Variants in PSTPIP2 observed in about 807,000 individuals in gnomAD.
PSTPIP2 encodes proline-serine-threonine phosphatase-interacting protein 2.
Under a neutral mutation model 63.3 loss-of-function variants are expected in PSTPIP2, and 33 were observed. That is an observed-to-expected ratio of 0.52 (90% CI 0.40 to 0.70). The LOEUF (loss-of-function observed/expected upper bound fraction) is 0.70, where lower values mean the gene tolerates loss of function less well. Ranked by LOEUF, PSTPIP2 falls within the 30% of genes least tolerant of loss-of-function variation. The pLI, the probability that PSTPIP2 is intolerant of heterozygous loss-of-function variation, is 0.00. For synonymous variants in PSTPIP2, 125 were observed against 132.7 expected, an observed-to-expected ratio of 0.94 and a Z score of 0.40; for missense variants, 312 against 400.7, an observed-to-expected ratio of 0.78 and a Z score of 1.89.
In PSTPIP2 at chr18:46,029,371, C is replaced by T. The variant is rs546647344; in HGVS notation, c.135-4685G>A. ...ATTAATGGAAGGGTTGCAGCATCCA[C>T]GTTCTCTTCAGATAGTAAGAAAGTA... On this transcript the variant is annotated intron_variant, in intron 2 of 14. Transcript: ENST00000409746. 3.9e-5 allele frequency: 60 copies of T among 1,558,310 alleles called. No individual in the cohort carries two copies. The African/African-American group carries it at 5.1e-4, about 13-fold the overall frequency.
At chr18:45,990,621 G>A in intron 13 of PSTPIP2, 101 bp downstream of exon 13, 1 of 1,005,928 alleles carries the variant, frequency 9.9e-7, no homozygotes, top group South Asian at 1.4e-5. Flanking sequence ...GTGGAGACAG[G>A]GTTTCACCAT....
intron 2 of PSTPIP2, among the ~76,000 whole-genome samples, chr18:46,032,362 G>A (rs1018717401): frequency 2.2e-4 from 34 of 152,092 alleles, no homozygotes; most frequent in African/African-American, 7.5e-4. Flanking sequence ...AGCTGGCTAC[G>A]CTTCACAAAG....
chr18:45,991,543 A>T (rs2051532960), intron 12 of PSTPIP2, among the ~76,000 whole-genome samples: 1 of 152,190 alleles, frequency 6.6e-6, no homozygotes, highest in African/African-American at 2.4e-5. Context: ...CCAGCCATTT[A>T]AAAATGTAAA....
chr18:46,000,529 C>T lies in PSTPIP2; in HGVS notation c.418-995G>A, dbSNP rs565183482. 9.2e-5 allele frequency among the ~76,000 whole-genome samples: 14 copies of T among 152,172 alleles called. No homozygotes were observed. The South Asian group carries it at 1.4e-3, about 16-fold the overall frequency. On this transcript the variant is annotated intron_variant, in intron 6 of 14. Coordinates refer to ENST00000409746, the MANE Select transcript of PSTPIP2 (RefSeq NM_024430.4). ...CTACAGGCAAGCAAACATCATGCCCCGCTGATTTTTGTGTTTTCAGTAGAG... is the reference window on the plus strand; with the variant it reads ...CTACAGGCAAGCAAACATCATGCCCTGCTGATTTTTGTGTTTTCAGTAGAG...
intron 2 of PSTPIP2, among the ~76,000 whole-genome samples, chr18:46,030,552 C>T (rs1488431764): frequency 6.6e-6 from 1 of 152,104 alleles, no homozygotes; most frequent in Non-Finnish European, 1.5e-5. Context: ...ATCATATTTC[C>T]CCCAGTTATT....
intron 1 of PSTPIP2, among the ~76,000 whole-genome samples, chr18:46,059,111 G>A (rs367578468): frequency 1.2e-4 from 18 of 150,192 alleles, no homozygotes; most frequent in Admixed American, 6.7e-4. Context: ...ATCTTGGCTC[G>A]CTGCAACCTC....
At chr18:45,986,583 C>T (rs1167828101) in intron 14 of PSTPIP2, among the ~76,000 whole-genome samples, 1 of 152,184 alleles carries the variant, frequency 6.6e-6, no homozygotes, top group East Asian at 1.9e-4. Context: ...ACCAGGTTTC[C>T]ACTCTGCCTC....
chr18:45,995,100 T>C (rs957891557), intron 9 of PSTPIP2, among the ~76,000 whole-genome samples: 1 of 152,032 alleles, frequency 6.6e-6, no homozygotes, highest in African/African-American at 2.4e-5. Context: ...GTTTCGTTGT[T>C]TGGTTTTGGG....
intron 13 of PSTPIP2, among the ~76,000 whole-genome samples, chr18:45,990,255 T>G (rs1353651156): frequency 6.6e-6 from 1 of 152,232 alleles, no homozygotes; most frequent in Non-Finnish European, 1.5e-5. Context: ...GACCACCAAT[T>G]ATCATATTCC....
At chr18:46,054,924 T>C (rs750228222) in intron 1 of PSTPIP2, among the ~76,000 whole-genome samples, 21 of 152,146 alleles carry the variant, frequency 1.4e-4, no homozygotes, top group Non-Finnish European at 2.8e-4. Flanking sequence ...CCCAAAAACC[T>C]ACTAATTTTT....
Position 46,056,387 on chromosome 18 carries a change from G to A in PSTPIP2, c.33+15769C>T, listed in dbSNP as rs556764684. Among the ~76,000 whole-genome samples the A allele has an allele frequency of 7.2e-5, 11 of 152,304 alleles. No homozygotes were observed. The East Asian group carries it at 7.7e-4, about 11-fold the overall frequency. ...GCCCCTACTAGGATGAGGCATGGTC[G>A]TGCATGTGCAGGGTTCAATTCTGTC... On this transcript the variant is annotated intron_variant, in intron 1 of 14. Coordinates refer to ENST00000409746, the MANE Select transcript of PSTPIP2 (RefSeq NM_024430.4).
At chr18:46,061,501 C>G (rs1908991989) in intron 1 of PSTPIP2, among the ~76,000 whole-genome samples, 1 of 152,106 alleles carries the variant, frequency 6.6e-6, no homozygotes, top group Non-Finnish European at 1.5e-5. Context: ...CTGTATCAGC[C>G]AGGGAGAGGC....
rs572546494 is a variant in PSTPIP2, at chr18:46,036,099, TATTA to T, written c.134+3844_134+3847del. Among the ~76,000 whole-genome samples, 579 of 148,956 alleles carry T rather than the reference TATTA, an allele frequency of 3.9e-3. 3 individuals carry two copies. The highest frequency in any genetic ancestry group is 0.013 in the African/African-American group (539 of 41,016). On this transcript the variant is annotated intron_variant, in intron 2 of 14. Transcript: ENST00000409746. ...TTATTTAATTATTATATATTATCTG[TATTA>T]ATTAATTTAATTAATATCATTTTAT...
chr18:45,992,842 C>A (rs1469330509), intron 10 of PSTPIP2, among the ~76,000 whole-genome samples: 4 of 152,104 alleles, frequency 2.6e-5, no homozygotes, highest in Non-Finnish European at 5.9e-5. Context: ...CCTGCCTCAG[C>A]CTCCCAAGTA....
At chr18:46,024,824 G>A in intron 2 of PSTPIP2, 138 bp from the exon 3 acceptor site, 1 of 667,190 alleles carries the variant, frequency 1.5e-6, no homozygotes, top group African/African-American at 1.8e-5. Flanking sequence ...TAAAATGCAA[G>A]ACTCCCTCTG....
At chr18:46,043,319 A>AT (rs1228475673) in intron 1 of PSTPIP2, among the ~76,000 whole-genome samples, 2 of 150,446 alleles carry the variant, frequency 1.3e-5, no homozygotes. Context: ...TGAGCCTGGG[A>AT]GATCGAGGCT....
intron 1 of PSTPIP2, among the ~76,000 whole-genome samples, chr18:46,044,302 C>G (rs1426489614): frequency 6.6e-6 from 1 of 152,114 alleles, no homozygotes; most frequent in Non-Finnish European, 1.5e-5. Context: ...GTACTGGTAC[C>G]AAAACAGTTA....
At chr18:46,023,127 G>A (rs1907434782) in intron 3 of PSTPIP2, among the ~76,000 whole-genome samples, 1 of 152,158 alleles carries the variant, frequency 6.6e-6, no homozygotes, top group Non-Finnish European at 1.5e-5. Flanking sequence ...GGTGGAGGAT[G>A]GGAAGAGGAA....
At chr18:46,040,140 A>G (rs1908138721) in intron 1 of PSTPIP2, 93 bp from the exon 2 acceptor site, 1 of 1,061,500 alleles carries the variant, frequency 9.4e-7, no homozygotes, top group South Asian at 1.5e-5. Flanking sequence ...GAAGCTGGCC[A>G]CGGAACGTTG....
Sources: gnomAD v4.1 joint callset for allele counts (sites outside exome capture counted in the v4.1 genomes callset) on GRCh38, gnomAD v4.1.1 for gene constraint, MANE v1.5 for transcripts, NCBI Gene and HGNC (gene_info 2026-07-23, HGNC 2026-07-21) for gene names.